Variants in SLC35A2 observed in about 807,000 individuals in gnomAD.
The protein encoded by SLC35A2 is UDP-galactose translocator.
Under a neutral mutation model 17.3 loss-of-function variants are expected in SLC35A2, and 1 was observed. The ratio of observed to expected loss-of-function variants is 0.06; its 90% CI spans 0.02 to 0.27. The LOEUF is 0.27. SLC35A2 is among the 10% of genes least tolerant of loss of function. The pLI, the probability that SLC35A2 is intolerant of heterozygous loss-of-function variation, is 1.00. For missense variants in SLC35A2, 191 were observed against 339.3 expected (o/e 0.56, Z 3.43); for synonymous variants, 161 against 161.3 (o/e 1.00, Z 0.01).
chrX:48,903,373 G>C lies in SLC35A2; in HGVS notation c.*65C>G. The C allele has an allele frequency of 1.7e-6, 1 of 579,734 alleles. No individual in the cohort carries two copies. The highest frequency in any genetic ancestry group is 3.1e-6 in the Non-Finnish European group (1 of 320,069). The allele number at this position is 579,734 out of a possible 1,213,427, so 47.8% of individuals were successfully genotyped here. On this transcript the variant is annotated 3_prime_UTR_variant, in exon 5 of 5. Transcript: ENST00000247138. The stretch of plus-strand genomic sequence containing the variant: ...CTACCCCTAATACTGATCAGAGTTT[G>C]GTCCCAGCTGGGCCAAGGGCAAGAA...
chrX:48,905,021 G>C lies in SLC35A2; in HGVS notation c.888C>G (p.Leu296=), dbSNP rs1246362026. The change falls in exon 4 of 5, where the codon CTC becomes CTG. Residue 296 remains leucine (L), a synonymous_variant. Transcript: ENST00000247138. The part of the protein sequence containing the change: ...AVVVKYADNI[L]KGFATSLSIV... ...TGGACAGGGAGGTGGCAAAGCCCTT[G>C]AGGATATTGTCAGCGTACTTGACAA... 1 of 1,211,190 alleles carries C rather than the reference G, an allele frequency of 8.3e-7. No homozygotes were observed.
chrX:48,910,353 A>C, intron 1 of SLC35A2: 70 of 975,169 alleles, frequency 7.2e-5, no homozygotes, highest in Non-Finnish European at 8.8e-5. Context: ...TACATTCTCC[A>C]CGTTTATTGA....
chrX:48,907,510 G>A (rs782474845), intron 2 of SLC35A2, among the ~76,000 whole-genome samples: 4 of 111,606 alleles, frequency 3.6e-5, no homozygotes, highest in African/African-American at 1.3e-4. Flanking sequence ...GCCTCCCAAA[G>A]TTCTGGGATT....
At chrX:48,903,968 C>G in intron 4 of SLC35A2, 1 of 761,483 alleles carries the variant, frequency 1.3e-6, no homozygotes, top group Non-Finnish European at 1.6e-6. Flanking sequence ...CATCTGGCAA[C>G]TGACAGTGTC....
intron 2 of SLC35A2, among the ~76,000 whole-genome samples, chrX:48,909,027 A>G (rs1213234722): frequency 8.9e-6 from 1 of 112,590 alleles, no homozygotes; most frequent in Non-Finnish European, 1.9e-5. Context: ...GGAGGCAGTC[A>G]GCAAAATCCA....
chrX:48,906,654 A>G, intron 2 of SLC35A2, 111 bp from the exon 3 acceptor site: 2 of 671,937 alleles, frequency 3.0e-6, no homozygotes, highest in South Asian at 5.3e-5. Flanking sequence ...CCTGCTGTCC[A>G]ATCCCTGGAG....
chrX:48,904,411 G>T (rs1391535276), intron 4 of SLC35A2: 2 of 1,086,060 alleles, frequency 1.8e-6, no homozygotes, highest in Non-Finnish European at 2.4e-6. Context: ...GAGGGCACAG[G>T]GTCGGGGAGG....
rs782621918 is a variant in SLC35A2 at position 48,909,911 on chromosome X, C to T, written c.177G>A (p.Thr59=). 1 of 1,208,876 alleles carries T rather than the reference C, an allele frequency of 8.3e-7. No homozygotes were observed. The highest frequency in any genetic ancestry group is 3.0e-5 in the East Asian group (1 of 33,801). The change falls in exon 2 of 5, where the codon ACG becomes ACA. Residue 59 remains threonine, a synonymous_variant. Coordinates refer to ENST00000247138, the MANE Select transcript of SLC35A2 (RefSeq NM_005660.3). ...TGGCAAAGAAGCGGTCCCCTGGCAA[C>T]GTGCGGGCGTAGCGGATGCTGAGGA... ...SLILSIRYAR[T]LPGDRFFATT...
Position 48,905,240 on chromosome X carries a change from G to C in SLC35A2, c.669C>G (p.Ile223Met). The C allele has an allele frequency of 8.3e-7, 1 of 1,206,576 alleles. No homozygotes were observed. The highest frequency in any genetic ancestry group is 3.0e-5 in the East Asian group (1 of 33,653). Reference sequence around the variant, plus strand: ...ACACGGAGCCTGAGCTGCCTTTGAGGATCTTCTCAAAGTAGACACCTGCGA... The same window carrying C: ...ACACGGAGCCTGAGCTGCCTTTGAGCATCTTCTCAAAGTAGACACCTGCGA... ...SGFAGVYFEKILKGSSGSVWL... is the reference protein window; with the variant it reads ...SGFAGVYFEKMLKGSSGSVWL... The change falls in exon 4 of 5, where the codon ATC becomes ATG. Residue 223 changes from isoleucine to methionine, a missense_variant. Physicochemically the swap from Ile to Met is conservative, Grantham distance 10. Coordinates refer to ENST00000247138, the MANE Select transcript of SLC35A2 (RefSeq NM_005660.3).
rs782729725 is a variant in SLC35A2, at chrX:48,906,282, G to A, written c.426+110C>T. The A allele has an allele frequency of 2.0e-5, 14 of 710,942 alleles. No individual in the cohort carries two copies. The South Asian group carries it at 3.3e-4, about 17-fold the overall frequency. 58.6% of individuals were successfully genotyped at this position (710,942 alleles called of 1,213,427 possible). A position where few individuals can be genotyped will look rare whatever the true frequency, so the allele number is the denominator to read the frequency against. On this transcript the variant is annotated intron_variant, in intron 3 of 4. Transcript: ENST00000247138. ...GTTGAAGGAGTTCCAAGGACATTCTGAAGGTGACATAGCCCCTGTCCTCTG... is the reference window on the plus strand; with the variant it reads ...GTTGAAGGAGTTCCAAGGACATTCTAAAGGTGACATAGCCCCTGTCCTCTG...
rs1557042836 is a variant in SLC35A2, at chrX:48,905,185, C to T, written c.724G>A (p.Gly242Ser). The T allele has an allele frequency of 1.7e-6, 2 of 1,209,702 alleles. No homozygotes were observed. The highest frequency in any genetic ancestry group is 1.8e-5 in the South Asian group (1 of 56,643). ...WLRNLQLGLF[G>S]TALGLVGLWW... is the part of the protein sequence containing the mutation. The stretch of plus-strand genomic sequence containing the variant: ...AGCCCCACCAGGCCCAGTGCTGTGC[C>T]GAAGAGGCCCAGTTGCAGGTTGCGC... The change falls in exon 4 of 5, where the codon GGC (glycine) becomes AGC (serine). Residue 242 changes from glycine to serine, a missense_variant. Gly to Ser is a moderately conservative substitution (Grantham distance 56). Coordinates refer to ENST00000247138, the MANE Select transcript of SLC35A2 (RefSeq NM_005660.3).
intron 1 of SLC35A2, 138 bp downstream of exon 1, chrX:48,911,408 C>T: frequency 1.2e-6 from 1 of 812,757 alleles, no homozygotes; most frequent in Non-Finnish European, 1.8e-6. Flanking sequence ...CCCCAACACA[C>T]TGACAATGTG....
In SLC35A2 at chrX:48,910,319, T is replaced by C. The variant is rs1557043807; in HGVS notation, c.92-323A>G. ...CTTCCTCCCAAGTGAGAAGCAACTC[T>C]TCCCCAGAAAGAATACCGACAACTA... On this transcript the variant is annotated intron_variant, in intron 1 of 4. Coordinates refer to ENST00000247138, the MANE Select transcript of SLC35A2 (RefSeq NM_005660.3). The C allele has an allele frequency of 2.7e-6, 3 of 1,120,676 alleles. No individual in the cohort carries two copies. In the South Asian group the frequency reaches 6.2e-5, roughly 23 times the overall value. 92.4% of individuals were successfully genotyped at this position (1,120,676 alleles called of 1,213,427 possible). A position where few individuals can be genotyped will look rare whatever the true frequency, so the allele number is the denominator to read the frequency against.
chrX:48,911,916 T>C, upstream of SLC35A2: 1 of 1,167,496 alleles, frequency 8.6e-7, no homozygotes, highest in Non-Finnish European at 1.1e-6. Context: ...TATCCTGCCG[T>C]TCGTCCGCTT....
At chrX:48,906,123 C>T (rs2063488225) in intron 3 of SLC35A2, 2 of 429,729 alleles carry the variant, frequency 4.7e-6, no homozygotes, top group Non-Finnish European at 4.0e-6. Flanking sequence ...ACAAAGCTGC[C>T]CACAAATAGC....
intron 1 of SLC35A2, 97 bp from the exon 2 acceptor site, chrX:48,910,093 C>T: frequency 1.1e-6 from 1 of 917,901 alleles, no homozygotes; most frequent in Non-Finnish European, 1.5e-6. Context: ...TCACCCAGGA[C>T]CCTCCTAGCC....
At chrX:48,904,683 C>T (rs782655904) in intron 4 of SLC35A2, 63 bp downstream of exon 4, 5 of 1,210,470 alleles carry the variant, frequency 4.1e-6, no homozygotes, top group East Asian at 3.0e-5. Context: ...CAACACCCTC[C>T]ACCCCAGTCC....
chrX:48,908,946 A>C (rs1289715700), intron 2 of SLC35A2, among the ~76,000 whole-genome samples: 2 of 112,569 alleles, frequency 1.8e-5, no homozygotes, highest in East Asian at 5.5e-4. Context: ...TAGCAGATAA[A>C]CCCAACTTCC....
At chrX:48,909,643 C>T (rs2063516794) in intron 2 of SLC35A2, among the ~76,000 whole-genome samples, 171 bp downstream of exon 2, 1 of 113,652 alleles carries the variant, frequency 8.8e-6, no homozygotes, top group Admixed American at 9.2e-5. Context: ...GCCGGCTACC[C>T]GGCTGTTAGG....
Sources: gnomAD v4.1 joint callset for allele counts (sites outside exome capture counted in the v4.1 genomes callset) on GRCh38, gnomAD v4.1.1 for gene constraint, MANE v1.5 for transcripts, NCBI Gene and HGNC (gene_info 2026-07-23, HGNC 2026-07-21) for gene names.